PRRX2: variants seen among roughly 807,000 people sequenced by gnomAD.
PRRX2 encodes paired mesoderm homeobox protein 2.
Under a neutral mutation model 18.0 loss-of-function variants are expected in PRRX2, and 11 were observed. That is an observed-to-expected ratio of 0.61 (90% CI 0.39 to 1.01). PRRX2 has a LOEUF of 1.01. PRRX2 is among the 50% of genes least tolerant of loss of function. PRRX2 has a pLI of 0.01. For missense variants in PRRX2, 387 were observed against 351.0 expected, an observed-to-expected ratio of 1.10 and a Z score of -0.82; for synonymous variants, 177 against 154.8, an observed-to-expected ratio of 1.14 and a Z score of -1.06.
At chr9:129,684,704 G>A (rs1180304976) in intron 1 of PRRX2, among the ~76,000 whole-genome samples, 3 of 152,140 alleles carry the variant, frequency 2.0e-5, no homozygotes, top group African/African-American at 7.2e-5. Flanking sequence ...GGGAATGTAG[G>A]GAGGTTGCTC....
chr9:129,679,751 C>T (rs1002129940), intron 1 of PRRX2, among the ~76,000 whole-genome samples: 10 of 152,198 alleles, frequency 6.6e-5, no homozygotes, highest in African/African-American at 1.4e-4. Context: ...CCCAGGCAGG[C>T]GGGCTAGGGG....
intron 1 of PRRX2, among the ~76,000 whole-genome samples, chr9:129,698,930 AG>A (rs748690651): frequency 1.3e-5 from 2 of 152,194 alleles, no homozygotes; most frequent in Non-Finnish European, 2.9e-5. Context: ...TAGGAAGTAG[AG>A]GGAGGATGCT....
At chr9:129,672,023 G>T (rs1316986319) in intron 1 of PRRX2, among the ~76,000 whole-genome samples, 1 of 152,172 alleles carries the variant, frequency 6.6e-6, no homozygotes, top group African/African-American at 2.4e-5. Flanking sequence ...AGGAAGGTTT[G>T]CGGTGGCTTG....
intron 1 of PRRX2, among the ~76,000 whole-genome samples, chr9:129,683,511 G>A (rs934578929): frequency 1.3e-5 from 2 of 152,106 alleles, no homozygotes; most frequent in Non-Finnish European, 2.9e-5. Flanking sequence ...CGAGGTGGGC[G>A]GATCACGAGG....
chr9:129,675,474 C>T lies in PRRX2; in HGVS notation c.259+9348C>T, dbSNP rs144006533. On this transcript the variant is annotated intron_variant, in intron 1 of 3. Transcript: ENST00000372469. The surrounding 1 kb of genome is among the most constrained non-coding windows in gnomAD (Gnocchi z 4.4). Reference sequence around the variant, plus strand: ...CTGGAGCCACTGGACAAGCCCCCTCCTGGCATCCTGCCGGCACCTCCTGCC... The same window carrying T: ...CTGGAGCCACTGGACAAGCCCCCTCTTGGCATCCTGCCGGCACCTCCTGCC... Among the ~76,000 whole-genome samples, 8 of 152,216 alleles carry T rather than the reference C, an allele frequency of 5.3e-5. 1 individual carries two copies. The highest frequency in any genetic ancestry group is 1.9e-4 in the African/African-American group (8 of 41,552).
intron 3 of PRRX2, 66 bp downstream of exon 3, chr9:129,720,840 CCTGGACTCCTCTGAGGGT>C (rs1421319787): frequency 7.0e-7 from 1 of 1,429,684 alleles, no homozygotes; most frequent in Non-Finnish European, 9.2e-7. Context: ...GCTTTTCCGG[CCTGGACTCCTCTGAGGGT>C]CTGGAGAGAG....
Position 129,709,988 on chromosome 9 carries a change from G to A in PRRX2, c.260-9243G>A, listed in dbSNP as rs1167600672. ...ATTCCAAGGAGACAGAAAACAGTAA[G>A]TCCCAGCCCCTACTGGACCGATGAC... On this transcript the variant is annotated intron_variant, in intron 1 of 3. Coordinates refer to ENST00000372469, the MANE Select transcript of PRRX2 (RefSeq NM_016307.4). This position sits in a 1 kb window ranked among gnomAD's most constrained non-coding sequence, Gnocchi z 4.2. Among the ~76,000 whole-genome samples the A allele has an allele frequency of 6.6e-6, 1 of 152,154 alleles. No homozygotes were observed. The highest frequency in any genetic ancestry group is 1.5e-5 in the Non-Finnish European group (1 of 68,028).
At chr9:129,693,667 A>G (rs1233776251) in intron 1 of PRRX2, among the ~76,000 whole-genome samples, 1 of 152,030 alleles carries the variant, frequency 6.6e-6, no homozygotes, top group African/African-American at 2.4e-5. Context: ...TGGTTAATAC[A>G]GTATTTATGT....
chr9:129,692,079 G>T (rs1402354853), intron 1 of PRRX2, among the ~76,000 whole-genome samples: 1 of 151,846 alleles, frequency 6.6e-6, no homozygotes. Flanking sequence ...AAGTAGCTGG[G>T]ACTATACAGG....
rs1406200031 is a variant in PRRX2 at position 129,684,463 on chromosome 9, A to C, written c.259+18337A>C. 2.7e-3 allele frequency among the ~76,000 whole-genome samples: 169 copies of C among 62,354 alleles called. 1 individual carries two copies. The highest frequency in any genetic ancestry group is 9.4e-3 in the Middle Eastern group (1 of 106). 40.9% of individuals were successfully genotyped at this position (62,354 alleles called of 152,430 possible). A position where few individuals can be genotyped will look rare whatever the true frequency, so the allele number is the denominator to read the frequency against. ...ACACACACACACACACACACACCCA[A>C]CAGAAAAGATACCAGAAATCACACA... On this transcript the variant is annotated intron_variant, in intron 1 of 3. Coordinates refer to ENST00000372469, the MANE Select transcript of PRRX2 (RefSeq NM_016307.4).
intron 1 of PRRX2, among the ~76,000 whole-genome samples, chr9:129,681,123 C>T (rs1049544852): frequency 2.6e-5 from 4 of 152,334 alleles, no homozygotes; most frequent in Admixed American, 2.6e-4. Context: ...CCCCGGGCTC[C>T]GGCAAAGCTG....
chr9:129,709,245 T>C lies in PRRX2; in HGVS notation c.260-9986T>C, dbSNP rs779405383. On this transcript the variant is annotated intron_variant, in intron 1 of 3. Transcript: ENST00000372469. The surrounding 1 kb of genome is among the most constrained non-coding windows in gnomAD (Gnocchi z 4.2). ...TGCTGGGTCACTGGCCCCTCCGCTTTCTTGTGGGTCTGGTGGCCCCATGGA... is the reference window on the plus strand; with the variant it reads ...TGCTGGGTCACTGGCCCCTCCGCTTCCTTGTGGGTCTGGTGGCCCCATGGA... Among the ~76,000 whole-genome samples the C allele has an allele frequency of 8.5e-5, 13 of 152,182 alleles. No homozygotes were observed. The highest frequency in any genetic ancestry group is 1.6e-4 in the Non-Finnish European group (11 of 68,028).
intron 1 of PRRX2, among the ~76,000 whole-genome samples, chr9:129,701,407 C>G (rs552262721): frequency 6.6e-6 from 1 of 152,342 alleles, no homozygotes; most frequent in African/African-American, 2.4e-5. Context: ...TGTTGCTGTT[C>G]CCACTTACAG....
At chr9:129,687,647 T>G (rs572149655) in intron 1 of PRRX2, among the ~76,000 whole-genome samples, 99 of 152,310 alleles carry the variant, frequency 6.5e-4, no homozygotes, top group African/African-American at 2.3e-3. Flanking sequence ...ACTCACAAAC[T>G]ATACCCTTTT....
intron 1 of PRRX2, among the ~76,000 whole-genome samples, chr9:129,668,372 C>T (rs996645242): frequency 2.6e-5 from 4 of 152,186 alleles, no homozygotes; most frequent in Admixed American, 1.3e-4. Context: ...TCTTGGGTTG[C>T]GGCATCATCC....
intron 1 of PRRX2, among the ~76,000 whole-genome samples, chr9:129,703,867 C>G (rs1234603876): frequency 6.6e-6 from 1 of 152,166 alleles, no homozygotes; most frequent in African/African-American, 2.4e-5. Flanking sequence ...TAAAGTTGAG[C>G]CTCTCTGGGA....
At chr9:129,669,039 C>T (rs1485727634) in intron 1 of PRRX2, among the ~76,000 whole-genome samples, 5 of 148,588 alleles carry the variant, frequency 3.4e-5, no homozygotes, top group African/African-American at 5.0e-5. Context: ...CCCAGCTACT[C>T]GGGAGGCTGA....
At chr9:129,688,474 C>G (rs1225165327) in intron 1 of PRRX2, among the ~76,000 whole-genome samples, 1 of 152,214 alleles carries the variant, frequency 6.6e-6, no homozygotes, top group East Asian at 1.9e-4. Flanking sequence ...AACTCCCTCC[C>G]ACAGTCTCTG....
intron 1 of PRRX2, among the ~76,000 whole-genome samples, chr9:129,687,927 A>G (rs1377481354): frequency 1.3e-5 from 2 of 152,214 alleles, no homozygotes; most frequent in Non-Finnish European, 2.9e-5. Flanking sequence ...TAGCGGGGAC[A>G]GTCTGTCACT....
Sources: allele counts gnomAD v4.1 joint callset (sites outside exome capture counted in the v4.1 genomes callset), GRCh38; gene constraint gnomAD v4.1.1; non-coding constraint Gnocchi (gnomAD v3.1); transcripts MANE v1.5; gene names NCBI Gene and HGNC (gene_info 2026-07-23, HGNC 2026-07-21).